Variants in CDH12 observed in about 807,000 individuals in gnomAD.
CDH12 encodes the protein cadherin 12.
In CDH12, 41 loss-of-function variants were observed where a neutral mutation model predicts 74.1. The observed-to-expected ratio is 0.55, with a 90% CI of 0.43 to 0.72. The LOEUF (loss-of-function observed/expected upper bound fraction) is 0.72. Among genes scored for constraint, CDH12 ranks in the 30% least tolerant of loss-of-function variants. CDH12 has a pLI of 0.00. For missense variants in CDH12, 945 were observed against 977.2 expected, an observed-to-expected ratio of 0.97 and a Z score of 0.44; for synonymous variants, 399 against 355.0, an observed-to-expected ratio of 1.12 and a Z score of -1.39.
At chr5:22,535,346 C>T (rs896047593) in intron 1 of CDH12, among the ~76,000 whole-genome samples, 11 of 151,586 alleles carry the variant, frequency 7.3e-5, no homozygotes, top group Non-Finnish European at 7.4e-5. Context: ...TTAGTAGAGA[C>T]GGGGTTTCAC....
At chr5:22,390,903 T>A (rs956827219) in intron 3 of CDH12, among the ~76,000 whole-genome samples, 3 of 152,168 alleles carry the variant, frequency 2.0e-5, no homozygotes, top group African/African-American at 7.2e-5. Flanking sequence ...CTTAAAATCC[T>A]TGCTCAGATG....
At chr5:21,956,087 A>T (rs1756081460) in intron 6 of CDH12, among the ~76,000 whole-genome samples, 1 of 152,102 alleles carries the variant, frequency 6.6e-6, no homozygotes, top group Admixed American at 6.6e-5. Context: ...AATTGTAGAG[A>T]AAAAACTATG....
chr5:21,813,767 A>ATATT (rs1431616158), intron 9 of CDH12, among the ~76,000 whole-genome samples: 4 of 152,140 alleles, frequency 2.6e-5, no homozygotes, highest in Non-Finnish European at 4.4e-5. Flanking sequence ...GTTTTTGCTC[A>ATATT]TATTCCCTTC....
At chr5:22,710,564 GAT>G (rs1402122755) in intron 1 of CDH12, among the ~76,000 whole-genome samples, 2 of 152,044 alleles carry the variant, frequency 1.3e-5, no homozygotes, top group Non-Finnish European at 2.9e-5. Flanking sequence ...TGAGGGTAAG[GAT>G]TTTTGCTTAA....
At chr5:21,815,063 G>A (rs574984364) in intron 9 of CDH12, among the ~76,000 whole-genome samples, 17 of 151,986 alleles carry the variant, frequency 1.1e-4, no homozygotes, top group South Asian at 4.2e-4. Flanking sequence ...TAGACTAAGC[G>A]TAATTTTTGC....
intron 5 of CDH12, among the ~76,000 whole-genome samples, chr5:21,984,848 A>G (rs1757448750): frequency 6.6e-6 from 1 of 152,216 alleles, no homozygotes; most frequent in Admixed American, 6.5e-5. Flanking sequence ...CTTTACTTTC[A>G]TATATGGATG....
chr5:22,292,394 T>C (rs1038003075), intron 3 of CDH12, among the ~76,000 whole-genome samples: 1 of 139,326 alleles, frequency 7.2e-6, no homozygotes, highest in African/African-American at 2.7e-5. Flanking sequence ...AATAGACAAA[T>C]GGGATTACAT....
rs570708612 is a variant in CDH12 at position 22,823,188 on chromosome 5, A to T, written c.-523+29870T>A. On this transcript the variant is annotated intron_variant, in intron 1 of 14. Transcript: ENST00000382254. Reference sequence around the variant, plus strand: ...CATAGGTGGGAATTGAACAATGAGAACACTTGGACACAGGAAGGGGAACAT... The same window carrying T: ...CATAGGTGGGAATTGAACAATGAGATCACTTGGACACAGGAAGGGGAACAT... 3.1e-4 allele frequency among the ~76,000 whole-genome samples: 43 copies of T among 140,862 alleles called. No individual in the cohort carries two copies. In the East Asian group the frequency reaches 7.1e-3, roughly 23 times the overall value. The allele number at this position is 140,862 out of a possible 152,430, so 92.4% of individuals were successfully genotyped here.
At chr5:22,272,231 T>C (rs1360249642) in intron 3 of CDH12, among the ~76,000 whole-genome samples, 1 of 152,224 alleles carries the variant, frequency 6.6e-6, no homozygotes, top group Non-Finnish European at 1.5e-5. Flanking sequence ...TGGAGATGAC[T>C]TATTCCTTAA....
At chr5:22,106,774 A>G (rs1296091317) in intron 4 of CDH12, among the ~76,000 whole-genome samples, 1 of 152,220 alleles carries the variant, frequency 6.6e-6, no homozygotes, top group East Asian at 1.9e-4. Context: ...GTATCCATCA[A>G]GTAATAACTT....
intron 10 of CDH12, among the ~76,000 whole-genome samples, chr5:21,792,832 T>G (rs1010348325): frequency 6.6e-6 from 1 of 151,756 alleles, no homozygotes; most frequent in Non-Finnish European, 1.5e-5. Context: ...CTTGCTCTAA[T>G]AGAAAGAAAA....
intron 1 of CDH12, among the ~76,000 whole-genome samples, chr5:22,713,122 T>C (rs969836797): frequency 1.3e-5 from 2 of 149,204 alleles, no homozygotes; most frequent in Admixed American, 6.9e-5. Flanking sequence ...CATATGATCT[T>C]ATGCTAATTC....
At chr5:21,798,429 T>C (rs535934065) in intron 10 of CDH12, among the ~76,000 whole-genome samples, 19 of 152,268 alleles carry the variant, frequency 1.2e-4, no homozygotes, top group Admixed American at 6.6e-4. Context: ...TGCTCAGTAA[T>C]TGTTATACTT....
intron 6 of CDH12, among the ~76,000 whole-genome samples, chr5:21,957,993 C>G (rs1351293110): frequency 6.6e-6 from 1 of 151,978 alleles, no homozygotes; most frequent in Non-Finnish European, 1.5e-5. Context: ...CCATAATCAC[C>G]ACATGGAGAG....
Position 21,751,849 on chromosome 5 carries a change from G to T in CDH12, c.2273C>A (p.Thr758Asn), listed in dbSNP as rs748780371. 1.9e-6 allele frequency: 3 copies of T among 1,614,082 alleles called. No homozygotes were observed. In the South Asian group the frequency reaches 3.3e-5, roughly 18 times the overall value. ...GTCATAGTCCTGGTCGGCTTCTGTG[G>T]TGAGAGAGTCTATAGAGCTGAGGGA... ...AESLSSIDSLTTEADQDYDYL... is the reference protein window; with the variant it reads ...AESLSSIDSLNTEADQDYDYL... The change falls in exon 15 of 15, where the codon ACC becomes AAC. Residue 758 changes from threonine to asparagine, a missense_variant. Transcript: ENST00000382254.
rs926135690 is a variant in CDH12 at position 22,580,635 on chromosome 5, G to A, written c.-522-75271C>T. 3.8e-5 allele frequency: 18 copies of A among 470,826 alleles called. 1 individual carries two copies. Among genetic ancestry groups the A allele is most frequent in the Middle Eastern group, 3.5e-4 (1 of 2,826 alleles). The allele number at this position is 470,826 out of a possible 1,614,324, so 29.2% of individuals were successfully genotyped here. A position where few individuals can be genotyped will look rare whatever the true frequency, so the allele number is the denominator to read the frequency against. On this transcript the variant is annotated intron_variant, in intron 1 of 14. Coordinates refer to ENST00000382254, the MANE Select transcript of CDH12 (RefSeq NM_004061.5). ...GTACATACCCCACATACTCCCTACT[G>A]ACCACAAAATAGGCACAGCCTGAAC...
intron 5 of CDH12, among the ~76,000 whole-genome samples, chr5:22,047,581 T>C (rs1204661564): frequency 1.3e-5 from 2 of 152,046 alleles, no homozygotes; most frequent in African/African-American, 4.8e-5. Flanking sequence ...TACATCTTTC[T>C]GCCAAGCACT....
At chr5:22,434,788 C>T (rs1355725166) in intron 2 of CDH12, among the ~76,000 whole-genome samples, 1 of 151,982 alleles carries the variant, frequency 6.6e-6, no homozygotes, top group Non-Finnish European at 1.5e-5. Context: ...TAAATTTTCT[C>T]AGCAAAGTTC....
At chr5:22,484,007 C>T (rs751117696) in intron 2 of CDH12, among the ~76,000 whole-genome samples, 8 of 151,122 alleles carry the variant, frequency 5.3e-5, no homozygotes, top group Non-Finnish European at 1.2e-4. Flanking sequence ...TTATAGCAAA[C>T]ATACTTTATC....
Sources: allele counts gnomAD v4.1 joint callset (sites outside exome capture counted in the v4.1 genomes callset), GRCh38; gene constraint gnomAD v4.1.1; transcripts MANE v1.5; gene names NCBI Gene and HGNC (gene_info 2026-07-23, HGNC 2026-07-21).